COMMD10: variants seen among roughly 807,000 people sequenced by gnomAD.
The protein encoded by COMMD10 is COMM domain containing 10.
A neutral mutation model predicts 28.9 loss-of-function variants in COMMD10; 33 were observed. The ratio of observed to expected loss-of-function variants is 1.14; its 90% CI spans 0.87 to 1.53. The LOEUF is 1.53. COMMD10 is among the 40% of genes most tolerant of loss of function. The pLI, the probability that COMMD10 is intolerant of heterozygous loss-of-function variation, is 0.00. For missense variants in COMMD10, 310 were observed against 233.4 expected (o/e 1.33, Z -2.14); for synonymous variants, 110 against 81.7 (o/e 1.35, Z -1.87).
At chr5:116,195,837 T>G (rs1282579431) in intron 5 of COMMD10, among the ~76,000 whole-genome samples, 1 of 152,026 alleles carries the variant, frequency 6.6e-6, no homozygotes, top group African/African-American at 2.4e-5. Context: ...GAAAAAATGC[T>G]CAGCATCACT....
At chr5:116,189,810 A>G (rs922077078) in intron 5 of COMMD10, among the ~76,000 whole-genome samples, 1 of 152,222 alleles carries the variant, frequency 6.6e-6, no homozygotes, top group Non-Finnish European at 1.5e-5. Flanking sequence ...GAAATTGTTC[A>G]TGTATTTTAG....
intron 5 of COMMD10, among the ~76,000 whole-genome samples, chr5:116,209,002 C>A (rs1257002167): frequency 6.6e-6 from 1 of 151,922 alleles, no homozygotes; most frequent in Non-Finnish European, 1.5e-5. Context: ...TTTTTATTTG[C>A]CAGATTCTGT....
At chr5:116,143,335 A>G (rs2112540574) in intron 5 of COMMD10, among the ~76,000 whole-genome samples, 1 of 151,886 alleles carries the variant, frequency 6.6e-6, no homozygotes, top group East Asian at 1.9e-4. Context: ...AAAATACACA[A>G]TATTAATACA....
intron 5 of COMMD10, among the ~76,000 whole-genome samples, chr5:116,264,323 T>C (rs1282664929): frequency 6.6e-6 from 1 of 151,790 alleles, no homozygotes; most frequent in Non-Finnish European, 1.5e-5. Flanking sequence ...GGCACAAAAG[T>C]GTTTAATATT....
At chr5:116,160,417 G>A (rs1156401322) in intron 5 of COMMD10, among the ~76,000 whole-genome samples, 1 of 152,122 alleles carries the variant, frequency 6.6e-6, no homozygotes, top group Non-Finnish European at 1.5e-5. Context: ...CCTAATATCA[G>A]GTGCTGTATT....
intron 5 of COMMD10, among the ~76,000 whole-genome samples, chr5:116,182,776 C>T (rs1275347754): frequency 6.6e-6 from 1 of 152,060 alleles, no homozygotes; most frequent in Non-Finnish European, 1.5e-5. Context: ...TTGGCTGTGT[C>T]TCCTCACCCA....
At chr5:116,275,655 C>T (rs758974285) in intron 5 of COMMD10, among the ~76,000 whole-genome samples, 18 of 151,684 alleles carry the variant, frequency 1.2e-4, no homozygotes, top group Non-Finnish European at 2.2e-4. Flanking sequence ...TAAAATACAC[C>T]ATGTTCTGTA....
intron 4 of COMMD10, among the ~76,000 whole-genome samples, chr5:116,120,783 C>G (rs1293474226): frequency 2.7e-5 from 4 of 150,518 alleles, no homozygotes; most frequent in Non-Finnish European, 5.9e-5. Flanking sequence ...AGTATTCTAC[C>G]ATTTGGATAT....
At chr5:116,206,036 C>T (rs1748803683) in intron 5 of COMMD10, among the ~76,000 whole-genome samples, 1 of 152,122 alleles carries the variant, frequency 6.6e-6, no homozygotes. Context: ...AAAATTTCAT[C>T]ATACTTAATT....
At chr5:116,189,324 C>T (rs141037858) in intron 5 of COMMD10, among the ~76,000 whole-genome samples, 1 of 152,182 alleles carries the variant, frequency 6.6e-6, no homozygotes, top group Non-Finnish European at 1.5e-5. Context: ...ACCTCAGCCT[C>T]TAGTGGCTAG....
At chr5:116,137,365 C>T (rs542986500) in intron 5 of COMMD10, among the ~76,000 whole-genome samples, 1 of 151,796 alleles carries the variant, frequency 6.6e-6, no homozygotes, top group Non-Finnish European at 1.5e-5. Context: ...AAAGCTTTTA[C>T]AAAAAGGGAG....
chr5:116,168,158 CA>C (rs56193014), intron 5 of COMMD10, among the ~76,000 whole-genome samples: 54,178 of 102,332 alleles, frequency 0.53, 13,508 homozygotes, highest in Non-Finnish European at 0.63. Context: ...AAATGGAAAG[CA>C]AAAAAAAAAA....
chr5:116,146,520 TAA>T lies in COMMD10; in HGVS notation c.510+12343_510+12344del, dbSNP rs201524281. Among the ~76,000 whole-genome samples, 115 of 152,032 alleles carry T rather than the reference TAA, an allele frequency of 7.6e-4. No homozygotes were observed. In the East Asian group the frequency reaches 0.018, roughly 24 times the overall value. ...CAAGACAGAGTAAAGATGTCTAGAT[TAA>T]GTTTTCTTATGAGTAATTTGCATTA... On this transcript the variant is annotated intron_variant, in intron 5 of 6. Transcript: ENST00000274458.
Position 116,134,054 on chromosome 5 carries a change from C to G in COMMD10, c.400-14C>G. On this transcript the variant is annotated splice_polypyrimidine_tract_variant and intron_variant, in intron 4 of 6. Coordinates refer to ENST00000274458, the MANE Select transcript of COMMD10 (RefSeq NM_016144.4). ...CTGTACCATCTGATTCCAATCTGCACCTGTCTTTTATAGCTAGAGACCGTT... is the reference window on the plus strand; with the variant it reads ...CTGTACCATCTGATTCCAATCTGCAGCTGTCTTTTATAGCTAGAGACCGTT... 1 of 1,443,670 alleles carries G rather than the reference C, an allele frequency of 6.9e-7. No homozygotes were observed. The highest frequency in any genetic ancestry group is 9.8e-7 in the Non-Finnish European group (1 of 1,022,308). The allele number at this position is 1,443,670 out of a possible 1,614,324, so 89.4% of individuals were successfully genotyped here.
intron 1 of COMMD10, among the ~76,000 whole-genome samples, chr5:116,086,045 T>C (rs1335742923): frequency 3.9e-5 from 6 of 152,200 alleles, no homozygotes; most frequent in Non-Finnish European, 1.5e-5. Flanking sequence ...TGCTTGAGCA[T>C]AGGGGCTGAA....
At chr5:116,138,817 T>C (rs780882785) in intron 5 of COMMD10, among the ~76,000 whole-genome samples, 3 of 151,808 alleles carry the variant, frequency 2.0e-5, no homozygotes, top group Non-Finnish European at 4.4e-5. Flanking sequence ...CCAAAATATA[T>C]GACAAATTCT....
intron 5 of COMMD10, among the ~76,000 whole-genome samples, chr5:116,290,382 G>T (rs1308498431): frequency 6.6e-6 from 1 of 151,626 alleles, no homozygotes; most frequent in Non-Finnish European, 1.5e-5. Context: ...TAAGTACTTA[G>T]ATATATGAGA....
At chr5:116,196,951 ATTCCTATC>A (rs1391352062) in intron 5 of COMMD10, among the ~76,000 whole-genome samples, 1 of 152,112 alleles carries the variant, frequency 6.6e-6, no homozygotes, top group Non-Finnish European at 1.5e-5. Context: ...CTGTCGATGT[ATTCCTATC>A]TTTCAGTATG....
chr5:116,251,271 TTTA>T (rs1372633787), intron 5 of COMMD10, among the ~76,000 whole-genome samples: 5 of 24,370 alleles, frequency 2.1e-4, no homozygotes, highest in Non-Finnish European at 1.3e-3. Flanking sequence ...TTTCTTTTTA[TTTA>T]TTTATTTATT....
Sources: gnomAD v4.1 joint callset for allele counts (sites outside exome capture counted in the v4.1 genomes callset) on GRCh38, gnomAD v4.1.1 for gene constraint, MANE v1.5 for transcripts, NCBI Gene and HGNC (gene_info 2026-07-23, HGNC 2026-07-21) for gene names.